FLT3: variants seen among roughly 807,000 people sequenced by gnomAD.
FLT3 encodes the protein receptor-type tyrosine-protein kinase FLT3.
FLT3 carries 46 observed loss-of-function variants against 126.6 expected under a neutral mutation model. The ratio of observed to expected loss-of-function variants is 0.36; its 90% confidence interval spans 0.29 to 0.46. The LOEUF is 0.46. Ranked by LOEUF, FLT3 falls within the 20% of genes least tolerant of loss-of-function variation. FLT3 has a pLI of 1.00. For missense variants in FLT3, 1,069 were observed against 1,190.3 expected, an observed-to-expected ratio of 0.90 and a Z score of 1.50; for synonymous variants, 404 against 434.4, an observed-to-expected ratio of 0.93 and a Z score of 0.87.
At chr13:28,035,386 A>T (rs1344891104) in intron 12 of FLT3, 109 bp downstream of exon 12, 1 of 1,017,794 alleles carries the variant, frequency 9.8e-7, no homozygotes, top group Non-Finnish European at 1.5e-6. Context: ...TTTCTCACAC[A>T]CTGACCCTAT....
At chr13:28,091,658 G>A (rs1032047319) in intron 1 of FLT3, among the ~76,000 whole-genome samples, 7 of 152,014 alleles carry the variant, frequency 4.6e-5, no homozygotes, top group African/African-American at 1.7e-4. Flanking sequence ...GGTGAGGCTG[G>A]GTGCAGTGGC....
In FLT3 at chr13:28,037,012, A is replaced by G. The variant is rs2491234; in HGVS notation, c.1309+173T>C. On this transcript the variant is annotated intron_variant, in intron 10 of 23. Transcript: ENST00000241453. ...AGAACAAAATAACATAAAAAATAAA[A>G]AGATATATGATCAATGCCAGTAGAT... is the stretch of plus-strand genomic sequence containing the variant. Among the ~76,000 whole-genome samples the G allele has an allele frequency of 0.72, 110,231 of 152,072 alleles. 41,194 individuals are homozygous for G. The highest frequency in any genetic ancestry group is 0.87 in the East Asian group (4,488 of 5,186).
At chr13:28,044,033 A>G (rs1593253598) in intron 9 of FLT3, among the ~76,000 whole-genome samples, 1 of 148,050 alleles carries the variant, frequency 6.8e-6, no homozygotes, top group African/African-American at 2.5e-5. Flanking sequence ...TCACTTACTC[A>G]CCTCCACCGA....
chr13:28,069,817 A>C (rs1877345744), intron 2 of FLT3, among the ~76,000 whole-genome samples: 1 of 152,152 alleles, frequency 6.6e-6, no homozygotes, highest in Admixed American at 6.5e-5. Flanking sequence ...AGATAATTTT[A>C]AAAGTATACA....
chr13:28,082,004 C>T (rs1360171335), intron 1 of FLT3, among the ~76,000 whole-genome samples: 1 of 150,384 alleles, frequency 6.6e-6, no homozygotes, highest in Non-Finnish European at 1.5e-5. Context: ...TACAGGTGCC[C>T]ACCATCATGC....
chr13:28,017,721 G>A (rs1482993600), intron 20 of FLT3, among the ~76,000 whole-genome samples: 18 of 148,156 alleles, frequency 1.2e-4, no homozygotes, highest in African/African-American at 4.4e-4. Context: ...CTGGAGTGCA[G>A]TGGCGCGATC....
chr13:28,049,323 C>T, intron 8 of FLT3, 61 bp downstream of exon 8: 2 of 1,441,986 alleles, frequency 1.4e-6, no homozygotes, highest in Non-Finnish European at 1.9e-6. Flanking sequence ...CCACATACTT[C>T]ACATTCCACA....
chr13:28,089,410 A>G (rs1878884754), intron 1 of FLT3, among the ~76,000 whole-genome samples: 1 of 151,182 alleles, frequency 6.6e-6, no homozygotes, highest in African/African-American at 2.5e-5. Flanking sequence ...CTGTATTCAA[A>G]TATTTATAGC....
chr13:28,061,405 T>G (rs1437227819), intron 3 of FLT3, among the ~76,000 whole-genome samples: 1 of 151,910 alleles, frequency 6.6e-6, no homozygotes, highest in African/African-American at 2.4e-5. Flanking sequence ...GACAGATATA[T>G]AATGTCATGT....
intron 2 of FLT3, among the ~76,000 whole-genome samples, chr13:28,063,695 A>AGTAAGT (rs56230494): frequency 0.99 from 150,900 of 151,866 alleles, 74,978 homozygotes; most frequent in South Asian, 1. Flanking sequence ...TTGTTCACTT[A>AGTAAGT]CTATGATAAG....
chr13:28,070,396 A>T, intron 2 of FLT3, 95 bp downstream of exon 2: 1 of 1,007,796 alleles, frequency 9.9e-7, no homozygotes, highest in Non-Finnish European at 1.5e-6. Flanking sequence ...AAATACATAA[A>T]GAGAAGCCCA....
chr13:28,011,642 CG>C (rs150792611), intron 23 of FLT3, among the ~76,000 whole-genome samples: 40,114 of 92,798 alleles, frequency 0.43, 5,459 homozygotes, highest in Middle Eastern at 0.5. Flanking sequence ...TCCTCCCACC[CG>C]GGGAGGGGGG....
At position 28,015,181 on chromosome 13, in the gene FLT3, T is replaced by C. The variant is rs1318196723; in HGVS notation, c.2729A>G (p.Gln910Arg). ...KLIQNGFKMD[Q>R]PFYATEEIYI... ...CATTTCTTCTGTAGCATAAAATGGC[T>C]GATCCATTTTAAATCCATTTTGAAT... The change falls in exon 22 of 24, where the codon CAG (glutamine) becomes CGG (arginine). Residue 910 changes from glutamine to arginine, a missense_variant. Physicochemically the swap from Gln to Arg is conservative, Grantham distance 43 (BLOSUM62 1). Coordinates refer to ENST00000241453, the MANE Select transcript of FLT3 (RefSeq NM_004119.3). The C allele has an allele frequency of 2.5e-6, 4 of 1,607,980 alleles. No homozygotes were observed. Among genetic ancestry groups the C allele is most frequent in the East Asian group, 2.2e-5 (1 of 44,850 alleles).
intron 9 of FLT3, among the ~76,000 whole-genome samples, chr13:28,039,915 A>T (rs896306171): frequency 6.6e-6 from 1 of 151,544 alleles, no homozygotes; most frequent in African/African-American, 2.4e-5. Context: ...CTGGTCTCAA[A>T]CTCCTGCCCT....
intron 23 of FLT3, among the ~76,000 whole-genome samples, chr13:28,013,053 G>T (rs951037205): frequency 2.0e-5 from 3 of 152,034 alleles, no homozygotes; most frequent in Admixed American, 6.6e-5. Flanking sequence ...ATGGTGTCAT[G>T]AACAGTTTAT....
In FLT3 at chr13:28,084,803, G is replaced by A. The variant is rs534136170; in HGVS notation, c.44-14191C>T. On this transcript the variant is annotated intron_variant, in intron 1 of 23. Transcript: ENST00000241453. ...ATCCTGGCTAACACGGTGAAACCCC[G>A]TCTATACTAAAAATACAAAAAATTA... Among the ~76,000 whole-genome samples, 41 of 151,850 alleles carry A rather than the reference G, an allele frequency of 2.7e-4. 1 individual carries two copies. In the South Asian group the frequency reaches 7.7e-3, roughly 29 times the overall value.
At chr13:28,036,519 C>T (rs1196872422) in intron 10 of FLT3, among the ~76,000 whole-genome samples, 3 of 152,014 alleles carry the variant, frequency 2.0e-5, no homozygotes, top group African/African-American at 7.3e-5. Context: ...GTTTTATAAG[C>T]CAAAGAAATG....
chr13:28,050,418 G>A (rs1352213997), intron 5 of FLT3, among the ~76,000 whole-genome samples, 196 bp from the exon 6 acceptor site: 1 of 152,050 alleles, frequency 6.6e-6, no homozygotes, highest in East Asian at 1.9e-4. Flanking sequence ...TTATCGCAAT[G>A]AATTAGCATA....
intron 5 of FLT3, among the ~76,000 whole-genome samples, chr13:28,050,552 AAGAG>A (rs1875350194): frequency 6.6e-6 from 1 of 152,318 alleles, no homozygotes; most frequent in Non-Finnish European, 1.5e-5. Context: ...AAAGGAAAAA[AAGAG>A]AAGAAAGAGA....
Sources: allele counts gnomAD v4.1 joint callset (sites outside exome capture counted in the v4.1 genomes callset), GRCh38; gene constraint gnomAD v4.1.1; transcripts MANE v1.5; gene names NCBI Gene and HGNC (gene_info 2026-07-23, HGNC 2026-07-21).